KIF1A: variants seen among roughly 807,000 people sequenced by gnomAD.
KIF1A encodes kinesin family member 1A, also known as kinesin-like protein KIF1A.
Under a neutral mutation model 227.3 loss-of-function variants are expected in KIF1A, and 46 were observed. The observed-to-expected ratio is 0.20, with a 90% CI of 0.16 to 0.26. The LOEUF (loss-of-function observed/expected upper bound fraction) is 0.26. Among genes scored for constraint, KIF1A ranks in the 10% least tolerant of loss-of-function variants. KIF1A has a pLI of 1.00. For synonymous variants in KIF1A, 1,022 were observed against 1,012.8 expected (o/e 1.01, Z -0.17); for missense variants, 1,683 against 2,485.9 (o/e 0.68, Z 6.87).
At chr2:240,785,862 A>G (rs1487025038) in intron 6 of KIF1A, among the ~76,000 whole-genome samples, 1 of 152,104 alleles carries the variant, frequency 6.6e-6, no homozygotes, top group Non-Finnish European at 1.5e-5. Context: ...TGGCAGAGGG[A>G]GTCTGTTGCC....
rs76345997 is a variant in KIF1A, at chr2:240,741,546, C to T, written c.3641-169G>A. Among the ~76,000 whole-genome samples the T allele has an allele frequency of 0.024, 3,721 of 152,300 alleles. 175 individuals are homozygous for T. The highest frequency in any genetic ancestry group is 0.085 in the African/African-American group (3,515 of 41,538). On this transcript the variant is annotated intron_variant, in intron 34 of 48. Transcript: ENST00000498729. ...AACCCCAGCCATTCCCAAGATACACCGGGTCCTGGGCACTCTGTGGCCTTA... is the reference window on the plus strand; with the variant it reads ...AACCCCAGCCATTCCCAAGATACACTGGGTCCTGGGCACTCTGTGGCCTTA...
intron 25 of KIF1A, among the ~76,000 whole-genome samples, chr2:240,759,810 C>T (rs1476691700): frequency 6.6e-6 from 1 of 152,146 alleles, no homozygotes; most frequent in Admixed American, 6.5e-5. Context: ...AGTTAGAGAT[C>T]AGCCTGTGCA....
intron 25 of KIF1A, among the ~76,000 whole-genome samples, chr2:240,759,694 G>A (rs1575585465): frequency 1.3e-5 from 2 of 152,194 alleles, no homozygotes; most frequent in African/African-American, 4.8e-5. Context: ...ACCTCACATG[G>A]TGACTCAGTC....
intron 1 of KIF1A, among the ~76,000 whole-genome samples, chr2:240,813,705 T>C (rs1211232505): frequency 3.6e-5 from 5 of 139,262 alleles, no homozygotes; most frequent in Admixed American, 3.5e-4. Flanking sequence ...TCAGAACCAC[T>C]CCGGGGTGAG....
chr2:240,720,331 C>T (rs547562298), intron 45 of KIF1A: 13 of 165,356 alleles, frequency 7.9e-5, no homozygotes, highest in South Asian at 3.9e-4. Flanking sequence ...GATGGCCTCC[C>T]GCATGGGCCC....
chr2:240,719,483 G>A (rs894994758), intron 46 of KIF1A, among the ~76,000 whole-genome samples: 1 of 152,188 alleles, frequency 6.6e-6, no homozygotes, highest in Middle Eastern at 3.2e-3. Flanking sequence ...CAGTGACCAC[G>A]AGTTCCCCAC....
chr2:240,755,355 G>T (rs573954045), intron 27 of KIF1A, among the ~76,000 whole-genome samples: 1 of 152,350 alleles, frequency 6.6e-6, no homozygotes, highest in South Asian at 2.1e-4. Flanking sequence ...GTGGCGGGAG[G>T]GAGGGAGGAG....
chr2:240,817,671 C>T (rs768909043), intron 1 of KIF1A, among the ~76,000 whole-genome samples: 14 of 152,224 alleles, frequency 9.2e-5, no homozygotes, highest in Admixed American at 2.6e-4. Flanking sequence ...TCTGTGGGAA[C>T]GTCTCCCTTC....
chr2:240,796,254 C>G (rs1290020937), intron 2 of KIF1A, among the ~76,000 whole-genome samples: 2 of 152,356 alleles, frequency 1.3e-5, no homozygotes, highest in African/African-American at 4.8e-5. Flanking sequence ...CCTGAGGCTT[C>G]CCTCTTAAAG....
rs1416308066 is a variant in KIF1A, at chr2:240,717,361, G to C, written c.*3C>G. The stretch of plus-strand genomic sequence containing the variant: ...CTGCCGGCTGTCACGGGAGGGCTCA[G>C]GTTCAGACCCGCATCTGGGCAGACC... On this transcript the variant is annotated 3_prime_UTR_variant, in exon 49 of 49. Coordinates refer to ENST00000498729, the MANE Select transcript of KIF1A (RefSeq NM_001244008.2). 9.3e-6 allele frequency: 15 copies of C among 1,611,470 alleles called. No individual in the cohort carries two copies. The highest frequency in any genetic ancestry group is 1.7e-5 in the Admixed American group (1 of 60,004).
At position 240,788,545 on chromosome 2, in the gene KIF1A, G is replaced by A. The variant is rs2055231850; in HGVS notation, c.184-315C>T. ...AGTAAGTTCCATGTGACCGTGACAA[G>A]CAGGGGTGACAAGAGCTGAGACTGG... On this transcript the variant is annotated intron_variant, in intron 3 of 48. Transcript: ENST00000498729. This position sits in a 1 kb window ranked among gnomAD's most constrained non-coding sequence, Gnocchi z 6.6. Among the ~76,000 whole-genome samples, 2 of 152,176 alleles carry A rather than the reference G, an allele frequency of 1.3e-5. No homozygotes were observed. The highest frequency in any genetic ancestry group is 4.8e-5 in the African/African-American group (2 of 41,430).
rs36034110 is a variant in KIF1A, at chr2:240,727,734, A to AG, written c.4008-795dup. On this transcript the variant is annotated intron_variant, in intron 38 of 48. Transcript: ENST00000498729. ...CCCAGGGTGGCTCAGGGCCAGCCCC[A>AG]GGGGCCTGGGATTTTACATCCCCAT... Among the ~76,000 whole-genome samples the AG allele has an allele frequency of 2.0e-5, 3 of 152,284 alleles. No individual in the cohort carries two copies. In the South Asian group the frequency reaches 6.2e-4, roughly 32 times the overall value.
rs923076351 is a variant in KIF1A, at chr2:240,782,500, C to T, written c.882+90G>A. The T allele has an allele frequency of 7.2e-6, 10 of 1,383,408 alleles. No homozygotes were observed. The African/African-American group carries it at 8.6e-5, about 12-fold the overall frequency. The allele number at this position is 1,383,408 out of a possible 1,614,324, so 85.7% of individuals were successfully genotyped here. A position where few individuals can be genotyped will look rare whatever the true frequency, so the allele number is the denominator to read the frequency against. On this transcript the variant is annotated intron_variant, in intron 10 of 48. Coordinates refer to ENST00000498729, the MANE Select transcript of KIF1A (RefSeq NM_001244008.2). ...CCCATCTCCCAGCGCACTCACTGCCCGCCCCGCCCCTCACCACAGGGCGCC... is the reference window on the plus strand; with the variant it reads ...CCCATCTCCCAGCGCACTCACTGCCTGCCCCGCCCCTCACCACAGGGCGCC...
chr2:240,732,453 C>T (rs548175634), intron 38 of KIF1A, among the ~76,000 whole-genome samples: 15 of 113,334 alleles, frequency 1.3e-4, no homozygotes, highest in Admixed American at 6.8e-4. Context: ...AATGCAGGGA[C>T]GAGGAGGTAA....
chr2:240,780,286 C>G (rs544133897), intron 10 of KIF1A, among the ~76,000 whole-genome samples: 1 of 152,146 alleles, frequency 6.6e-6, no homozygotes, highest in South Asian at 2.1e-4. Flanking sequence ...TCCCACGCGG[C>G]CCCACACCCC....
rs1377963331 is a variant in KIF1A, at chr2:240,790,949, C to A, written c.107-1637G>T. Reference sequence around the variant, plus strand: ...CTTATGGCAGTTCAGGGCACTGAGACCCCCTCTGGCCAAGCGTCTTGCTGA... The same window carrying A: ...CTTATGGCAGTTCAGGGCACTGAGAACCCCTCTGGCCAAGCGTCTTGCTGA... On this transcript the variant is annotated intron_variant, in intron 2 of 48. Coordinates refer to ENST00000498729, the MANE Select transcript of KIF1A (RefSeq NM_001244008.2). The surrounding 1 kb of genome is among the most constrained non-coding windows in gnomAD (Gnocchi z 5.0). Among the ~76,000 whole-genome samples the A allele has an allele frequency of 6.6e-6, 1 of 152,148 alleles. No homozygotes were observed. Among genetic ancestry groups the A allele is most frequent in the Non-Finnish European group, 1.5e-5 (1 of 68,032 alleles).
intron 28 of KIF1A, among the ~76,000 whole-genome samples, chr2:240,749,485 C>T (rs919122521): frequency 6.6e-6 from 1 of 152,140 alleles, no homozygotes; most frequent in Admixed American, 6.5e-5. Context: ...ACTACTCCCT[C>T]CCTAGGGTGC....
At chr2:240,723,700 C>T in intron 41 of KIF1A, 142 bp from the exon 42 acceptor site, 3 of 1,031,098 alleles carry the variant, frequency 2.9e-6, no homozygotes, top group Non-Finnish European at 4.2e-6. Flanking sequence ...CACCCTGGGG[C>T]CCAAAGAGCC....
intron 1 of KIF1A, among the ~76,000 whole-genome samples, chr2:240,802,372 C>G (rs2126177918): frequency 6.6e-6 from 1 of 152,078 alleles, no homozygotes; most frequent in East Asian, 1.9e-4. Flanking sequence ...CAATAGAAGG[C>G]AGTGAAGGAG....
Sources: allele counts gnomAD v4.1 joint callset (sites outside exome capture counted in the v4.1 genomes callset), GRCh38; gene constraint gnomAD v4.1.1; non-coding constraint Gnocchi (gnomAD v3.1); transcripts MANE v1.5; gene names NCBI Gene and HGNC (gene_info 2026-07-23, HGNC 2026-07-21).